Variants in KCND3 observed in about 807,000 individuals in gnomAD.
KCND3 encodes potassium voltage-gated channel subfamily D member 3.
Under a neutral mutation model 51.1 loss-of-function variants are expected in KCND3, and 9 were observed. The observed-to-expected ratio is 0.18, with a 90% confidence interval of 0.11 to 0.31. The LOEUF is 0.31. Among genes scored for constraint, KCND3 ranks in the 10% least tolerant of loss-of-function variants. The pLI, the probability that KCND3 is intolerant of heterozygous loss-of-function variation, is 1.00. For synonymous variants in KCND3, 349 were observed against 368.0 expected (o/e 0.95, Z 0.59); for missense variants, 526 against 903.8 (o/e 0.58, Z 5.36).
intron 2 of KCND3, chr1:111,911,024 C>T (rs41312674): frequency 2.0e-5 from 3 of 152,156 alleles, no homozygotes; most frequent in Non-Finnish European, 4.4e-5. Context: ...ATTCTGGCCC[C>T]CTTGCCATCA....
chr1:111,816,305 C>T (rs372026227), intron 2 of KCND3, among the ~76,000 whole-genome samples: 12 of 152,238 alleles, frequency 7.9e-5, no homozygotes, highest in African/African-American at 2.9e-4. Flanking sequence ...CAAAGGGTCA[C>T]CCCAGACCTG....
At chr1:111,831,574 T>G (rs1666834368) in intron 2 of KCND3, among the ~76,000 whole-genome samples, 1 of 152,244 alleles carries the variant, frequency 6.6e-6, no homozygotes, top group Non-Finnish European at 1.5e-5. Flanking sequence ...TATTTCTTTA[T>G]AGCAGAGTGA....
chr1:111,920,061 G>A (rs935187636), intron 2 of KCND3, among the ~76,000 whole-genome samples: 1 of 152,222 alleles, frequency 6.6e-6, no homozygotes, highest in African/African-American at 2.4e-5. Context: ...CAGGCCACTG[G>A]ACCAATGACC....
intron 2 of KCND3, among the ~76,000 whole-genome samples, chr1:111,787,995 C>G (rs1376927902): frequency 1.3e-5 from 2 of 152,242 alleles, no homozygotes; most frequent in East Asian, 3.8e-4. Flanking sequence ...CTCTGAAGCT[C>G]AGCCCCTTAA....
At chr1:111,897,561 T>C (rs968272065) in intron 2 of KCND3, among the ~76,000 whole-genome samples, 5 of 152,320 alleles carry the variant, frequency 3.3e-5, no homozygotes, top group South Asian at 2.1e-4. Flanking sequence ...GGAGTGTGTC[T>C]AGCTGGGTAT....
chr1:111,882,748 G>C (rs1013379594), intron 2 of KCND3, among the ~76,000 whole-genome samples: 2 of 152,182 alleles, frequency 1.3e-5, no homozygotes, highest in Non-Finnish European at 1.5e-5. Flanking sequence ...ACAGGGACTG[G>C]GGGTGGGAGC....
chr1:111,812,791 G>A (rs17028665), intron 2 of KCND3, among the ~76,000 whole-genome samples: 7,805 of 152,252 alleles, frequency 0.051, 452 homozygotes, highest in African/African-American at 0.14. Context: ...AGGGCACAGG[G>A]AGCCGGGCAC....
chr1:111,863,352 A>G lies in KCND3; in HGVS notation c.1107-76246T>C, dbSNP rs545128152. Among the ~76,000 whole-genome samples the G allele has an allele frequency of 3.2e-4, 48 of 151,836 alleles. No homozygotes were observed. In the South Asian group the frequency reaches 4.4e-3, roughly 14 times the overall value. On this transcript the variant is annotated intron_variant, in intron 2 of 7. Transcript: ENST00000302127. The stretch of plus-strand genomic sequence containing the variant: ...AACAGTAAAAAAAAAAAAACAGCTT[A>G]TGTTCTCGATGATAGAGATGAAAAT...
At chr1:111,986,295 G>C (rs1277383734) in intron 1 of KCND3, among the ~76,000 whole-genome samples, 3 of 152,218 alleles carry the variant, frequency 2.0e-5, no homozygotes, top group Non-Finnish European at 2.9e-5. Context: ...TCTGCCCAAA[G>C]GTTACAGGTA....
intron 2 of KCND3, among the ~76,000 whole-genome samples, chr1:111,884,614 T>G (rs1669485938): frequency 6.6e-6 from 1 of 152,164 alleles, no homozygotes; most frequent in South Asian, 2.1e-4. Flanking sequence ...CTGATTCCCA[T>G]GAGAGGAGCA....
In KCND3 at chr1:111,899,606, C is replaced by T. The variant is rs372872874; in HGVS notation, c.1106+82015G>A. 2.6e-5 allele frequency among the ~76,000 whole-genome samples: 4 copies of T among 152,346 alleles called. No individual in the cohort carries two copies. In the East Asian group the frequency reaches 5.8e-4, roughly 22 times the overall value. ...CTGCCACAGTGAGGAGACTGGATTT[C>T]ATTAGTTGTACTCTAGACCACCCCT... On this transcript the variant is annotated intron_variant, in intron 2 of 7. Transcript: ENST00000302127.
intron 2 of KCND3, among the ~76,000 whole-genome samples, chr1:111,819,670 C>T (rs1279249568): frequency 6.6e-6 from 1 of 152,138 alleles, no homozygotes. Flanking sequence ...TCCCCCTCTG[C>T]ACCTGCAAGA....
rs1407192378 is a variant in KCND3 at position 111,774,567 on chromosome 1, A to T, written c.*1510T>A. On this transcript the variant is annotated 3_prime_UTR_variant, in exon 8 of 8. Coordinates refer to ENST00000302127, the MANE Select transcript of KCND3 (RefSeq NM_001378969.1). ...AATCTTCACTCCTTTGCTTGCACAG[A>T]GGTGATGAGGCTTCTCCCCCATTTC... 1 of 152,258 alleles carries T rather than the reference A, an allele frequency of 6.6e-6. No homozygotes were observed. Among genetic ancestry groups the T allele is most frequent in the African/African-American group, 2.4e-5 (1 of 41,454 alleles). 9.4% of individuals were successfully genotyped at this position (152,258 alleles called of 1,614,324 possible).
At chr1:111,889,469 CTTCTAGTAAAGGAAGG>C (rs1421904351) in intron 2 of KCND3, among the ~76,000 whole-genome samples, 1 of 152,200 alleles carries the variant, frequency 6.6e-6, no homozygotes, top group South Asian at 2.1e-4. Context: ...GGAAGTTGAG[CTTCTAGTAAAGGAAGG>C]TTCTAGTAAA....
chr1:111,897,039 C>T (rs939931215), intron 2 of KCND3, among the ~76,000 whole-genome samples: 2 of 152,316 alleles, frequency 1.3e-5, no homozygotes, highest in East Asian at 1.9e-4. Context: ...CTGTCTTGTC[C>T]GCTGTTGTAT....
intron 2 of KCND3, among the ~76,000 whole-genome samples, chr1:111,832,108 C>T (rs947626995): frequency 1.3e-5 from 2 of 152,230 alleles, no homozygotes; most frequent in Non-Finnish European, 2.9e-5. Context: ...TCTCCCCTTA[C>T]TCAGGAAGTA....
At chr1:111,830,265 T>C (rs543865543) in intron 2 of KCND3, among the ~76,000 whole-genome samples, 11 of 152,362 alleles carry the variant, frequency 7.2e-5, no homozygotes, top group Admixed American at 5.2e-4. Context: ...TTGACTCTTC[T>C]GTGGCTCCTC....
In KCND3 at chr1:111,776,238, G is replaced by T. The variant is rs1664103822; in HGVS notation, c.1807C>A (p.Pro603Thr). The change falls in exon 8 of 8, where the codon CCA becomes ACA. Residue 603 changes from proline (P) to threonine (T), a missense_variant. Physicochemically the swap from Pro to Thr is conservative, Grantham distance 38. This residue lies in a region of KCND3 where 266 missense variants were observed against 305.5 expected (regional missense o/e 0.87). Coordinates refer to ENST00000302127, the MANE Select transcript of KCND3 (RefSeq NM_001378969.1). ...GTGATCTGGGATGTTTTGCAGTTTG[G>T]TCTCAGTCCGTCGTCTGCTTTCAAA... ...LNLKADDGLR[P>T]NCKTSQITTA... 1 of 1,614,186 alleles carries T rather than the reference G, an allele frequency of 6.2e-7. No individual in the cohort carries two copies.
In KCND3 at chr1:111,981,080, G is replaced by A. The variant is rs188577989; in HGVS notation, c.1106+541C>T. Among the ~76,000 whole-genome samples the A allele has an allele frequency of 3.9e-5, 6 of 152,286 alleles. No homozygotes were observed. Among genetic ancestry groups the A allele is most frequent in the Admixed American group, 2.0e-4 (3 of 15,302 alleles). The stretch of plus-strand genomic sequence containing the variant: ...GAAAGTCTGCTCAGAGCTACTGAAC[G>A]CTTGAGTGTCTGTGGCAGCACAGGA... On this transcript the variant is annotated intron_variant, in intron 2 of 7. Coordinates refer to ENST00000302127, the MANE Select transcript of KCND3 (RefSeq NM_001378969.1). The surrounding 1 kb of genome is among the most constrained non-coding windows in gnomAD (Gnocchi z 6.2).
Sources: allele counts gnomAD v4.1 joint callset (sites outside exome capture counted in the v4.1 genomes callset), GRCh38; gene constraint gnomAD v4.1.1; regional missense constraint gnomAD v4.1.1; non-coding constraint Gnocchi (gnomAD v3.1); transcripts MANE v1.5; gene names NCBI Gene and HGNC (gene_info 2026-07-23, HGNC 2026-07-21).